Variants in TULP4 observed in about 807,000 individuals in gnomAD.
The protein encoded by TULP4 is tubby-related protein 4.
In TULP4, 16 loss-of-function variants were observed where a neutral mutation model predicts 129.0. That is an observed-to-expected ratio of 0.12 (90% CI 0.08 to 0.19). The LOEUF is 0.19. Ranked by LOEUF, TULP4 falls within the 10% of genes least tolerant of loss-of-function variation. The pLI is 1.00. For synonymous variants in TULP4, 998 were observed against 854.0 expected, an observed-to-expected ratio of 1.17 and a Z score of -2.94; for missense variants, 1,842 against 2,059.1, an observed-to-expected ratio of 0.89 and a Z score of 2.04.
chr6:158,334,438 G>A (rs1406179666), intron 1 of TULP4, among the ~76,000 whole-genome samples: 2 of 152,114 alleles, frequency 1.3e-5, no homozygotes, highest in Non-Finnish European at 2.9e-5. Context: ...TAGCTTTATT[G>A]TAAGAATATG....
intron 1 of TULP4, among the ~76,000 whole-genome samples, chr6:158,374,268 CAG>C (rs1777134114): frequency 7.3e-6 from 1 of 137,856 alleles, no homozygotes; most frequent in Non-Finnish European, 1.5e-5. Context: ...GCCCGAATGA[CAG>C]AGTGAGACCT....
intron 1 of TULP4, among the ~76,000 whole-genome samples, chr6:158,286,493 A>T (rs576755427): frequency 6.6e-6 from 1 of 152,140 alleles, no homozygotes; most frequent in Non-Finnish European, 1.5e-5. Flanking sequence ...AAACTTGTTT[A>T]TTCTTGTATA....
rs1343274143 is a variant in TULP4, at chr6:158,508,626, T to G, written c.*1932T>G. On this transcript the variant is annotated 3_prime_UTR_variant, in exon 14 of 14. Transcript: ENST00000367097. ...TTATATGAGTTTATGTAGCTTGATA[T>G]GGTGTTTCAGTGCTTATTGGTTGTG... The G allele has an allele frequency of 3.9e-5, 6 of 152,752 alleles. No homozygotes were observed. The East Asian group carries it at 1.2e-3, about 29-fold the overall frequency. The allele number at this position is 152,752 out of a possible 1,614,324, so 9.5% of individuals were successfully genotyped here. A position where few individuals can be genotyped will look rare whatever the true frequency, so the allele number is the denominator to read the frequency against.
At position 158,503,190 on chromosome 6, in the gene TULP4, G is replaced by A; in HGVS notation, c.3527G>A (p.Ser1176Asn). The change falls in exon 13 of 14, where the codon AGC becomes AAC. Residue 1176 changes from serine to asparagine, a missense_variant. By Grantham distance (46) the Ser-to-Asn change is conservative. Coordinates refer to ENST00000367097, the MANE Select transcript of TULP4 (RefSeq NM_020245.5). This position sits in a 1 kb window ranked among gnomAD's most constrained non-coding sequence, Gnocchi z 4.3. ...TTCATCTCCCCCAAGTCTCCTGCCAGCCCCACTGCCACTTTCCAAACAGGC... is the reference window on the plus strand; with the variant it reads ...TTCATCTCCCCCAAGTCTCCTGCCAACCCCACTGCCACTTTCCAAACAGGC... Reference protein sequence around the residue: ...LPFISPKSPASPTATFQTGYG... With the variant: ...LPFISPKSPANPTATFQTGYG... 6.2e-7 allele frequency: 1 copy of A among 1,613,882 alleles called. No homozygotes were observed. The highest frequency in any genetic ancestry group is 1.3e-5 in the African/African-American group (1 of 74,992).
At chr6:158,332,310 T>C (rs535135793) in intron 1 of TULP4, among the ~76,000 whole-genome samples, 1 of 150,940 alleles carries the variant, frequency 6.6e-6, no homozygotes, top group South Asian at 2.1e-4. Context: ...CAAGGGAGGA[T>C]AAGCTGGGAA....
chr6:158,254,842 T>G (rs1583679500), intron 1 of TULP4, among the ~76,000 whole-genome samples: 3 of 152,254 alleles, frequency 2.0e-5, no homozygotes, highest in South Asian at 2.1e-4. Context: ...GAGGCTGAGG[T>G]GGGTGGATCA....
At position 158,429,929 on chromosome 6, in the gene TULP4, C is replaced by G. The variant is rs200744499; in HGVS notation, c.543+32C>G. ...CTTCTGAAATGTGGTGGGTGTGTGA[C>G]GTTAAAACCATGAGGGCTGGGAGGG... is the stretch of plus-strand genomic sequence containing the variant. On this transcript the variant is annotated intron_variant, in intron 3 of 13. Coordinates refer to ENST00000367097, the MANE Select transcript of TULP4 (RefSeq NM_020245.5). 1.9e-6 allele frequency: 3 copies of G among 1,602,082 alleles called. No individual in the cohort carries two copies. The South Asian group carries it at 3.4e-5, about 18-fold the overall frequency.
chr6:158,386,392 T>C (rs1239497341), intron 1 of TULP4, among the ~76,000 whole-genome samples: 1 of 152,202 alleles, frequency 6.6e-6, no homozygotes, highest in Non-Finnish European at 1.5e-5. Flanking sequence ...TTTAAAATAA[T>C]TTGGAGGACA....
chr6:158,469,046 T>C (rs1221597628), intron 6 of TULP4, among the ~76,000 whole-genome samples: 1 of 152,202 alleles, frequency 6.6e-6, no homozygotes, highest in Non-Finnish European at 1.5e-5. Context: ...AAACTTCATT[T>C]GGCCTTTTGT....
At chr6:158,387,797 A>G (rs992327943) in intron 1 of TULP4, among the ~76,000 whole-genome samples, 3 of 152,254 alleles carry the variant, frequency 2.0e-5, no homozygotes, top group African/African-American at 4.8e-5. Flanking sequence ...CTGATGAGCA[A>G]GACTCTAAAG....
chr6:158,424,022 T>C (rs1009851630), intron 2 of TULP4, among the ~76,000 whole-genome samples: 6 of 152,118 alleles, frequency 3.9e-5, no homozygotes, highest in African/African-American at 1.4e-4. Context: ...TACACATATC[T>C]GATAAAGGAT....
At chr6:158,278,979 C>T (rs55757539), upstream of TULP4, among the ~76,000 whole-genome samples, 1 of 146,152 alleles carries the variant, frequency 6.8e-6, no homozygotes, top group African/African-American at 2.5e-5. Context: ...TCATTCTGTC[C>T]CCCAGGCTGG....
intron 9 of TULP4, among the ~76,000 whole-genome samples, chr6:158,491,471 CT>C (rs557882714): frequency 7.8e-5 from 2 of 25,484 alleles, no homozygotes; most frequent in Non-Finnish European, 6.3e-5. Context: ...TTCTTTCTTT[CT>C]TTTCTTTCTT....
chr6:158,503,378 A>G lies in TULP4; in HGVS notation c.3715A>G (p.Thr1239Ala). Reference protein sequence around the residue: ...PLYPPSLSYCTLPPMYPGSST... With the variant: ...PLYPPSLSYCALPPMYPGSST... ...GTACCCACCCAGCCTCTCCTATTGC[A>G]CCCTGCCCCCCATGTACCCAGGAAG... The change falls in exon 13 of 14, where the codon ACC (threonine) becomes GCC (alanine). Residue 1239 changes from threonine (T) to alanine (A), a missense_variant. Physicochemically the swap from Thr to Ala is moderately conservative, Grantham distance 58. Around this residue, in one of 5 missense-constraint regions of TULP4, gnomAD observed 1,089 missense variants for 987.1 expected, o/e 1.10. Transcript: ENST00000367097. This position sits in a 1 kb window ranked among gnomAD's most constrained non-coding sequence, Gnocchi z 4.3. 1 of 1,613,590 alleles carries G rather than the reference A, an allele frequency of 6.2e-7. No homozygotes were observed. The highest frequency in any genetic ancestry group is 8.5e-7 in the Non-Finnish European group (1 of 1,179,962).
chr6:158,425,177 A>AG (rs1316623882), intron 2 of TULP4, among the ~76,000 whole-genome samples: 7 of 147,352 alleles, frequency 4.8e-5, no homozygotes, highest in Non-Finnish European at 6.0e-5. Flanking sequence ...AAAAAAAAAA[A>AG]AAAGACAATG....
intron 13 of TULP4, among the ~76,000 whole-genome samples, chr6:158,505,809 A>G (rs1780587134): frequency 6.7e-6 from 1 of 149,260 alleles, no homozygotes; most frequent in African/African-American, 2.5e-5. Flanking sequence ...TCTCCTTTCT[A>G]CTTCCTAGGT....
intron 3 of TULP4, among the ~76,000 whole-genome samples, chr6:158,433,976 G>T (rs1303982291): frequency 6.6e-6 from 1 of 152,204 alleles, no homozygotes; most frequent in Non-Finnish European, 1.5e-5. Context: ...CCAAGATCAA[G>T]GTGTTGGCAG....
chr6:158,373,362 A>G (rs934103057), intron 1 of TULP4, among the ~76,000 whole-genome samples: 1 of 152,026 alleles, frequency 6.6e-6, no homozygotes, highest in Non-Finnish European at 1.5e-5. Flanking sequence ...GCTGTTCACC[A>G]CCTCTTGTCC....
intron 1 of TULP4, among the ~76,000 whole-genome samples, chr6:158,333,217 T>C (rs1779952750): frequency 6.6e-6 from 1 of 152,210 alleles, no homozygotes; most frequent in Non-Finnish European, 1.5e-5. Flanking sequence ...ACCTCCAATG[T>C]GATGATGTTT....
Sources: allele counts gnomAD v4.1 joint callset (sites outside exome capture counted in the v4.1 genomes callset), GRCh38; gene constraint gnomAD v4.1.1; regional missense constraint gnomAD v4.1.1; non-coding constraint Gnocchi (gnomAD v3.1); transcripts MANE v1.5; gene names NCBI Gene and HGNC (gene_info 2026-07-23, HGNC 2026-07-21).